The following ANTXR1 variants were observed in gnomAD, a reference collection of about 807,000 sequenced individuals.
ANTXR1 encodes anthrax toxin receptor 1.
Under a neutral mutation model 78.1 loss-of-function variants are expected in ANTXR1, and 19 were observed. That is an observed-to-expected ratio of 0.24 (90% confidence interval 0.17 to 0.36). ANTXR1 has a LOEUF of 0.36. Among genes scored for constraint, ANTXR1 ranks in the 10% least tolerant of loss-of-function variants. ANTXR1 has a pLI of 1.00. For synonymous variants in ANTXR1, 273 were observed against 260.5 expected (o/e 1.05, Z -0.46); for missense variants, 518 against 718.6 (o/e 0.72, Z 3.19).
At chr2:69,234,079 C>T (rs1251554058) in intron 17 of ANTXR1, among the ~76,000 whole-genome samples, 3 of 152,128 alleles carry the variant, frequency 2.0e-5, no homozygotes, top group African/African-American at 7.2e-5. Context: ...TTATGAATTA[C>T]ATTATTCTAA....
rs774177741 is a variant in ANTXR1 at position 69,123,063 on chromosome 2, G to A, written c.849G>A (p.Ala283=). 6.1e-5 allele frequency: 99 copies of A among 1,613,928 alleles called. 1 individual carries two copies. In the Middle Eastern group the frequency reaches 5.4e-3, roughly 88 times the overall value. The change falls in exon 11 of 18, where the codon GCG becomes GCA. Residue 283 remains alanine, a synonymous_variant. Coordinates refer to ENST00000303714, the MANE Select transcript of ANTXR1 (RefSeq NM_032208.3). ...AAGATACTTATTTACTGTGTCCAGCGCCTATCTTAAAAGAAGTTGGCATGT... is the reference window on the plus strand; with the variant it reads ...AAGATACTTATTTACTGTGTCCAGCACCTATCTTAAAAGAAGTTGGCATGT... ...SVEDTYLLCP[A]PILKEVGMKA...
intron 10 of ANTXR1, among the ~76,000 whole-genome samples, chr2:69,113,885 A>G (rs1672063981): frequency 6.6e-6 from 1 of 152,240 alleles, no homozygotes; most frequent in South Asian, 2.1e-4. Context: ...TTCTGACCTC[A>G]GGATTACAAA....
intron 8 of ANTXR1, among the ~76,000 whole-genome samples, chr2:69,090,300 C>CT (rs1671190424): frequency 6.6e-6 from 1 of 151,860 alleles, no homozygotes; most frequent in Non-Finnish European, 1.5e-5. Context: ...TTCAAGAAAT[C>CT]TATGTACTTT....
At chr2:69,213,996 A>G (rs546792599) in intron 17 of ANTXR1, among the ~76,000 whole-genome samples, 1 of 152,246 alleles carries the variant, frequency 6.6e-6, no homozygotes, top group Non-Finnish European at 1.5e-5. Flanking sequence ...GCCAGCCCCC[A>G]GGGCAACCCA....
chr2:69,196,780 C>T lies in ANTXR1; in HGVS notation c.1434+3365C>T, dbSNP rs148224425. Among the ~76,000 whole-genome samples the T allele has an allele frequency of 3.1e-3, 475 of 152,312 alleles. 3 individuals carry two copies. Among genetic ancestry groups the T allele is most frequent in the South Asian group, 5.8e-3 (28 of 4,826 alleles). Reference sequence around the variant, plus strand: ...AACAAAAATCACCTAATTGCATTCTCGGTTACATTCTAAGTTGCTTCAGAC... The same window carrying T: ...AACAAAAATCACCTAATTGCATTCTTGGTTACATTCTAAGTTGCTTCAGAC... On this transcript the variant is annotated intron_variant, in intron 17 of 17. Transcript: ENST00000303714.
At position 69,018,607 on chromosome 2, in the gene ANTXR1, G is replaced by A. The variant is rs528153237; in HGVS notation, c.152+4956G>A. On this transcript the variant is annotated intron_variant, in intron 1 of 17. Transcript: ENST00000303714. The stretch of plus-strand genomic sequence containing the variant: ...AAGGGTCCCAAAGACAACCTTGTTT[G>A]GTAGGTAGGGCGAAGCATGACTGTC... Among the ~76,000 whole-genome samples the A allele has an allele frequency of 2.6e-4, 40 of 152,316 alleles. No homozygotes were observed. In the South Asian group the frequency reaches 4.6e-3, roughly 17 times the overall value.
At chr2:69,097,364 CTG>C (rs1671462840) in intron 9 of ANTXR1, among the ~76,000 whole-genome samples, 1 of 152,276 alleles carries the variant, frequency 6.6e-6, no homozygotes, top group African/African-American at 2.4e-5. Context: ...TGTATTCCTA[CTG>C]TGTTTCCCAC....
At chr2:69,221,241 G>A (rs1452422214) in intron 17 of ANTXR1, among the ~76,000 whole-genome samples, 2 of 152,130 alleles carry the variant, frequency 1.3e-5, no homozygotes, top group African/African-American at 4.8e-5. Context: ...CTCCCATTGA[G>A]ATCTATTTAA....
intron 16 of ANTXR1, 112 bp from the exon 17 acceptor site, chr2:69,193,223 C>T: frequency 3.6e-6 from 3 of 833,462 alleles, no homozygotes; most frequent in Non-Finnish European, 6.3e-6. Flanking sequence ...ACCATATTGA[C>T]AGTGTTGTGT....
intron 12 of ANTXR1, among the ~76,000 whole-genome samples, chr2:69,136,227 AT>A (rs1181466141): frequency 3.3e-5 from 5 of 152,252 alleles, no homozygotes; most frequent in African/African-American, 1.2e-4. Flanking sequence ...TCAGTCACTT[AT>A]TTTCCACTGC....
At chr2:69,235,774 CAAA>C (rs199596838) in intron 17 of ANTXR1, among the ~76,000 whole-genome samples, 8 of 124,646 alleles carry the variant, frequency 6.4e-5, no homozygotes, top group African/African-American at 1.4e-4. Context: ...AATCACAAAC[CAAA>C]AAAAAAAAAA....
chr2:69,015,552 G>A (rs55650223), intron 1 of ANTXR1, among the ~76,000 whole-genome samples: 1,650 of 151,974 alleles, frequency 0.011, 34 homozygotes, highest in African/African-American at 0.037. Context: ...CATGGAGAAT[G>A]AAAAAGGTTA....
Position 69,013,526 on chromosome 2 carries a change from C to A in ANTXR1, c.27C>A (p.Leu9=), listed in dbSNP as rs1159249235. The change falls in exon 1 of 18, where the codon CTC becomes CTA. Residue 9 remains leucine (L), a synonymous_variant. Transcript: ENST00000303714. This position sits in a 1 kb window ranked among gnomAD's most constrained non-coding sequence, Gnocchi z 5.0. MATAERRA[L]GIGFQWLSLA... ...TGGCCACGGCGGAGCGGAGAGCCCT[C>A]GGCATCGGCTTCCAGTGGCTCTCTT... The A allele has an allele frequency of 2.5e-6, 4 of 1,587,396 alleles. No homozygotes were observed. Among genetic ancestry groups the A allele is most frequent in the Admixed American group, 3.7e-5 (2 of 54,490 alleles).
chr2:69,172,385 CAA>C, intron 14 of ANTXR1: 2 of 1,611,996 alleles, frequency 1.2e-6, no homozygotes, highest in South Asian at 2.2e-5. Context: ...AATAAAATAA[CAA>C]GAAGAAGAAA....
chr2:69,186,423 A>G (rs928436156), intron 16 of ANTXR1, among the ~76,000 whole-genome samples: 3 of 152,230 alleles, frequency 2.0e-5, no homozygotes, highest in African/African-American at 7.2e-5. Context: ...TCAGCCTTGG[A>G]CAAAACATTT....
At chr2:69,221,247 T>C (rs1675311717) in intron 17 of ANTXR1, among the ~76,000 whole-genome samples, 1 of 152,206 alleles carries the variant, frequency 6.6e-6, no homozygotes, top group African/African-American at 2.4e-5. Context: ...TTGAGATCTA[T>C]TTAAGAATAC....
Position 69,013,758 on chromosome 2 carries a change from C to T in ANTXR1, c.152+107C>T. On this transcript the variant is annotated intron_variant, in intron 1 of 17. Coordinates refer to ENST00000303714, the MANE Select transcript of ANTXR1 (RefSeq NM_032208.3). The surrounding 1 kb of genome is among the most constrained non-coding windows in gnomAD (Gnocchi z 5.0). ...TCGCCTGGGGACAGGAGCGCATCTCCAGGGCCACAGAGGGACCGCGCGGCA... is the reference window on the plus strand; with the variant it reads ...TCGCCTGGGGACAGGAGCGCATCTCTAGGGCCACAGAGGGACCGCGCGGCA... The T allele has an allele frequency of 1.3e-6, 2 of 1,529,324 alleles. No individual in the cohort carries two copies. The highest frequency in any genetic ancestry group is 1.8e-6 in the Non-Finnish European group (2 of 1,128,730). 94.7% of individuals were successfully genotyped at this position (1,529,324 alleles called of 1,614,324 possible).
chr2:69,072,909 C>A, intron 5 of ANTXR1, 113 bp from the exon 6 acceptor site: 1 of 1,072,892 alleles, frequency 9.3e-7, no homozygotes, highest in South Asian at 1.3e-5. Context: ...TGGTGATTCT[C>A]ACAATATTGA....
chr2:69,130,251 A>G (rs776121085), intron 12 of ANTXR1, among the ~76,000 whole-genome samples: 1 of 152,204 alleles, frequency 6.6e-6, no homozygotes, highest in Non-Finnish European at 1.5e-5. Flanking sequence ...AAGAAAAGAA[A>G]ATGACCTAAA....
Sources: allele counts gnomAD v4.1 joint callset (sites outside exome capture counted in the v4.1 genomes callset), GRCh38; gene constraint gnomAD v4.1.1; non-coding constraint Gnocchi (gnomAD v3.1); transcripts MANE v1.5; gene names NCBI Gene and HGNC (gene_info 2026-07-23, HGNC 2026-07-21).